FYTTD1: variants seen among roughly 807,000 people sequenced by gnomAD.
The protein encoded by FYTTD1 is UAP56-interacting factor.
FYTTD1 carries 22 observed loss-of-function variants against 40.9 expected under a neutral mutation model. The observed-to-expected ratio is 0.54, with a 90% CI of 0.38 to 0.77. FYTTD1 has a LOEUF of 0.77. Ranked by LOEUF, FYTTD1 falls within the 30% of genes least tolerant of loss-of-function variation. FYTTD1 has a pLI of 0.00. For synonymous variants in FYTTD1, 140 were observed against 137.9 expected (o/e 1.01, Z -0.10); for missense variants, 351 against 392.2 (o/e 0.90, Z 0.89).
chr3:197,757,177 TATA>T (rs1483012886), intron 2 of FYTTD1, among the ~76,000 whole-genome samples: 1 of 152,228 alleles, frequency 6.6e-6, no homozygotes, highest in Non-Finnish European at 1.5e-5. Context: ...ATGCTTTAGA[TATA>T]ATGTGGAACT....
intron 2 of FYTTD1, among the ~76,000 whole-genome samples, chr3:197,759,172 G>T (rs900745893): frequency 2.6e-5 from 4 of 151,742 alleles, no homozygotes; most frequent in Admixed American, 6.6e-5. Context: ...GTGGTAGAAT[G>T]TATAGAGTTG....
chr3:197,753,825 G>C (rs886590723), intron 1 of FYTTD1, among the ~76,000 whole-genome samples: 4 of 151,230 alleles, frequency 2.6e-5, no homozygotes, highest in African/African-American at 9.7e-5. Flanking sequence ...GCACGATCTC[G>C]GCTTCCCAGG....
rs1730061135 is a variant in FYTTD1 at position 197,782,769 on chromosome 3, G to T, written c.*860G>T. The stretch of plus-strand genomic sequence containing the variant: ...TAGTCTTGAGTCTAGCGTCCACAAA[G>T]AATTATTCAAATGATATTTAGAAGA... On this transcript the variant is annotated 3_prime_UTR_variant, in exon 9 of 9. Transcript: ENST00000241502. The T allele has an allele frequency of 6.6e-6, 1 of 152,134 alleles. No homozygotes were observed. Among genetic ancestry groups the T allele is most frequent in the Admixed American group, 6.5e-5 (1 of 15,272 alleles). The allele number at this position is 152,134 out of a possible 1,614,324, so 9.4% of individuals were successfully genotyped here. A position where few individuals can be genotyped will look rare whatever the true frequency, so the allele number is the denominator to read the frequency against.
chr3:197,766,825 C>T (rs1438902119), intron 2 of FYTTD1, among the ~76,000 whole-genome samples: 1 of 152,054 alleles, frequency 6.6e-6, no homozygotes. Context: ...TCACCTTCTA[C>T]TATAAAATTG....
chr3:197,758,706 T>A (rs937999924), intron 2 of FYTTD1, among the ~76,000 whole-genome samples: 1 of 152,208 alleles, frequency 6.6e-6, no homozygotes, highest in Non-Finnish European at 1.5e-5. Context: ...ATTGCTTACA[T>A]GTGACACGGG....
chr3:197,766,580 C>G (rs1271249378), intron 2 of FYTTD1, among the ~76,000 whole-genome samples: 1 of 151,792 alleles, frequency 6.6e-6, no homozygotes, highest in African/African-American at 2.4e-5. Context: ...TTATCTGGGA[C>G]TACAGGTACG....
rs376289150 is a variant in FYTTD1 at position 197,756,412 on chromosome 3, T to G, written c.104-14T>G. 6 of 1,583,692 alleles carry G rather than the reference T, an allele frequency of 3.8e-6. No homozygotes were observed. In the African/African-American group the frequency reaches 8.1e-5, roughly 21 times the overall value. Reference sequence around the variant, plus strand: ...AAGTTAAAATGAAAATAATTGACATTTCCTCTATCATAGATGATATCATCA... The same window carrying G: ...AAGTTAAAATGAAAATAATTGACATGTCCTCTATCATAGATGATATCATCA... On this transcript the variant is annotated splice_polypyrimidine_tract_variant and intron_variant, in intron 1 of 8. Transcript: ENST00000241502.
chr3:197,771,809 G>C lies in FYTTD1; in HGVS notation c.497+1565G>C, dbSNP rs1311820053. On this transcript the variant is annotated intron_variant, in intron 4 of 8. Coordinates refer to ENST00000241502, the MANE Select transcript of FYTTD1 (RefSeq NM_032288.7). ...AAAAAAAAAAAAAATGCAAAAATTA[G>C]CCCGATGTGGTGACCGGTGCATGCC... Among the ~76,000 whole-genome samples the C allele has an allele frequency of 2.1e-5, 3 of 139,944 alleles. No individual in the cohort carries two copies. In the Admixed American group the frequency reaches 2.2e-4, roughly 10 times the overall value. The allele number at this position is 139,944 out of a possible 152,430, so 91.8% of individuals were successfully genotyped here.
chr3:197,753,675 T>C (rs1560491454), intron 1 of FYTTD1, among the ~76,000 whole-genome samples: 1 of 152,220 alleles, frequency 6.6e-6, no homozygotes, highest in Non-Finnish European at 1.5e-5. Flanking sequence ...TGTTGAAATG[T>C]GAAATGTAAT....
At chr3:197,778,612 G>A (rs1729940716) in intron 8 of FYTTD1, 148 bp downstream of exon 8, 1 of 580,808 alleles carries the variant, frequency 1.7e-6, no homozygotes, top group African/African-American at 1.9e-5. Flanking sequence ...TCTGCCATTT[G>A]CCTATTTTGA....
rs1393684266 is a variant in FYTTD1 at position 197,784,594 on chromosome 3, C to G, written c.*2685C>G. Reference sequence around the variant, plus strand: ...GCGGATCATGAGGCCAGGAGCAAGACCAGCCTGGCTAACATAGGGAGACTC... The same window carrying G: ...GCGGATCATGAGGCCAGGAGCAAGAGCAGCCTGGCTAACATAGGGAGACTC... On this transcript the variant is annotated 3_prime_UTR_variant, in exon 9 of 9. Coordinates refer to ENST00000241502, the MANE Select transcript of FYTTD1 (RefSeq NM_032288.7). 1 of 152,174 alleles carries G rather than the reference C, an allele frequency of 6.6e-6. No individual in the cohort carries two copies. The highest frequency in any genetic ancestry group is 1.5e-5 in the Non-Finnish European group (1 of 68,050). 9.4% of individuals were successfully genotyped at this position (152,174 alleles called of 1,614,324 possible).
rs893353497 is a variant in FYTTD1, at chr3:197,783,158, T to C, written c.*1249T>C. On this transcript the variant is annotated 3_prime_UTR_variant, in exon 9 of 9. Coordinates refer to ENST00000241502, the MANE Select transcript of FYTTD1 (RefSeq NM_032288.7). ...TGGGAGAAGTTAGTCTGTGCTAAGA[T>C]AGTACTGAGTCCCCAGATGTTGTAT... 2.0e-5 allele frequency: 3 copies of C among 152,606 alleles called. No homozygotes were observed. Among genetic ancestry groups the C allele is most frequent in the African/African-American group, 2.4e-5 (1 of 41,432 alleles). 9.5% of individuals were successfully genotyped at this position (152,606 alleles called of 1,614,324 possible). A position where few individuals can be genotyped will look rare whatever the true frequency, so the allele number is the denominator to read the frequency against.
At chr3:197,752,664 A>G (rs986923136) in intron 1 of FYTTD1, among the ~76,000 whole-genome samples, 14 of 151,900 alleles carry the variant, frequency 9.2e-5, no homozygotes, top group African/African-American at 3.4e-4. Context: ...ATGTGTATGT[A>G]TATATGGCTT....
chr3:197,757,175 G>C (rs1729236739), intron 2 of FYTTD1, among the ~76,000 whole-genome samples: 1 of 152,138 alleles, frequency 6.6e-6, no homozygotes, highest in African/African-American at 2.4e-5. Flanking sequence ...GAATGCTTTA[G>C]ATATAATGTG....
chr3:197,750,421 A>G, intron 1 of FYTTD1: 1 of 1,033,054 alleles, frequency 9.7e-7, no homozygotes, highest in Non-Finnish European at 1.2e-6. Context: ...CTTTGTGAGG[A>G]AAGATCTGCC....
intron 2 of FYTTD1, among the ~76,000 whole-genome samples, chr3:197,757,220 G>A (rs1482323636): frequency 6.6e-6 from 1 of 152,150 alleles, no homozygotes; most frequent in Admixed American, 6.5e-5. Context: ...TGATAATCTG[G>A]AAGCTTATTT....
chr3:197,761,790 C>T (rs1412779516), intron 2 of FYTTD1, among the ~76,000 whole-genome samples: 6 of 152,200 alleles, frequency 3.9e-5, no homozygotes, highest in Non-Finnish European at 7.3e-5. Context: ...TTTCCAGAGT[C>T]TACATGATGT....
In FYTTD1 at chr3:197,776,910, ATTTTT is replaced by A; in HGVS notation, c.657-13_657-9del. On this transcript the variant is annotated splice_polypyrimidine_tract_variant and intron_variant, in intron 6 of 8. Transcript: ENST00000241502. ...AACTTACATTTAATGAATTTTTTTT[ATTTTT>A]TTTGAAACTAGATGGCGGACTTCCA... 1 of 1,550,186 alleles carries A rather than the reference ATTTTT, an allele frequency of 6.5e-7. No individual in the cohort carries two copies. Among genetic ancestry groups the A allele is most frequent in the Non-Finnish European group, 8.9e-7 (1 of 1,127,304 alleles).
intron 1 of FYTTD1, among the ~76,000 whole-genome samples, chr3:197,752,768 G>A (rs1729102732): frequency 6.6e-6 from 1 of 152,020 alleles, no homozygotes; most frequent in Non-Finnish European, 1.5e-5. Context: ...GTGTATGTCT[G>A]TATATATGCT....
Sources: allele counts gnomAD v4.1 joint callset (sites outside exome capture counted in the v4.1 genomes callset), GRCh38; gene constraint gnomAD v4.1.1; transcripts MANE v1.5; gene names NCBI Gene and HGNC (gene_info 2026-07-23, HGNC 2026-07-21).